HMGCS1: variants seen among roughly 807,000 people sequenced by gnomAD.
HMGCS1 encodes the protein hydroxymethylglutaryl-CoA synthase, cytoplasmic.
HMGCS1 carries 9 observed loss-of-function variants against 52.3 expected under a neutral mutation model. That is an observed-to-expected ratio of 0.17 (90% CI 0.10 to 0.30). HMGCS1 has a LOEUF of 0.30. Among genes scored for constraint, HMGCS1 ranks in the 10% least tolerant of loss-of-function variants. HMGCS1 has a pLI of 1.00. For synonymous variants in HMGCS1, 176 were observed against 214.4 expected (o/e 0.82, Z 1.57); for missense variants, 320 against 620.9 (o/e 0.52, Z 5.15).
chr5:43,306,499 G>A (rs866704325), intron 2 of HMGCS1, among the ~76,000 whole-genome samples: 1 of 152,150 alleles, frequency 6.6e-6, no homozygotes, highest in African/African-American at 2.4e-5. Flanking sequence ...GCTGCAGGTT[G>A]AGCATTCCTA....
chr5:43,307,494 G>A (rs1754637709), intron 2 of HMGCS1, among the ~76,000 whole-genome samples: 1 of 152,144 alleles, frequency 6.6e-6, no homozygotes, highest in South Asian at 2.1e-4. Flanking sequence ...AGTAGTCCAT[G>A]TAATTACATT....
Position 43,298,170 on chromosome 5 carries a change from T to C in HMGCS1, c.449-36A>G, listed in dbSNP as rs749896502. 6.3e-7 allele frequency: 1 copy of C among 1,576,126 alleles called. No individual in the cohort carries two copies. The highest frequency in any genetic ancestry group is 1.4e-5 in the African/African-American group (1 of 73,746). On this transcript the variant is annotated intron_variant, in intron 3 of 10. Transcript: ENST00000325110. The surrounding 1 kb of genome is among the most constrained non-coding windows in gnomAD (Gnocchi z 5.6). ...TTTTTTGTTATTTCACAAGAAGGAA[T>C]TCAACACTATAACCAAACATGGAAA...
chr5:43,308,238 A>ACT (rs764188704), intron 1 of HMGCS1, among the ~76,000 whole-genome samples: 2 of 152,208 alleles, frequency 1.3e-5, no homozygotes, highest in Non-Finnish European at 2.9e-5. Flanking sequence ...AAGAGCCTGC[A>ACT]CTGCATGTAA....
intron 8 of HMGCS1, among the ~76,000 whole-genome samples, chr5:43,293,217 T>A (rs1399140342): frequency 6.6e-6 from 1 of 152,222 alleles, no homozygotes; most frequent in African/African-American, 2.4e-5. Flanking sequence ...TTTGAAACTA[T>A]AAATAACTTG....
rs1189345868 is a variant in HMGCS1 at position 43,290,211 on chromosome 5, C to T, written c.*920G>A. On this transcript the variant is annotated 3_prime_UTR_variant, in exon 11 of 11. Transcript: ENST00000325110. ...AGAAATAGCCTAATAATGCCCTGCC[C>T]CTATTCTTCCCTTCCATTTTAAATT... 1 of 152,498 alleles carries T rather than the reference C, an allele frequency of 6.6e-6. No homozygotes were observed. The highest frequency in any genetic ancestry group is 2.4e-5 in the African/African-American group (1 of 41,400). 9.4% of individuals were successfully genotyped at this position (152,498 alleles called of 1,614,324 possible).
rs530159081 is a variant in HMGCS1 at position 43,297,178 on chromosome 5, A to C, written c.575-12T>G. 11 of 1,604,802 alleles carry C rather than the reference A, an allele frequency of 6.9e-6. No homozygotes were observed. In the African/African-American group the frequency reaches 1.5e-4, roughly 22 times the overall value. On this transcript the variant is annotated splice_polypyrimidine_tract_variant and intron_variant, in intron 4 of 10. Transcript: ENST00000325110. Reference sequence around the variant, plus strand: ...TGTCCCACGAAGCCCTATTAGAACCAAAAAGGAAGATGTCTATATATTTCT... The same window carrying C: ...TGTCCCACGAAGCCCTATTAGAACCCAAAAGGAAGATGTCTATATATTTCT...
intron 9 of HMGCS1, 80 bp from the exon 10 acceptor site, chr5:43,292,717 A>T: frequency 2.7e-6 from 4 of 1,505,518 alleles, no homozygotes; most frequent in Non-Finnish European, 3.7e-6. Flanking sequence ...TAAGTTTCAT[A>T]TATCCCAATA....
chr5:43,294,580 G>C (rs778380193), intron 7 of HMGCS1, 111 bp downstream of exon 7: 26 of 704,042 alleles, frequency 3.7e-5, no homozygotes, highest in Non-Finnish European at 5.3e-5. Context: ...AGAGCCTCAA[G>C]ATAAAATTTT....
Position 43,298,504 on chromosome 5 carries a change from G to A in HMGCS1, c.448+14C>T, listed in dbSNP as rs1481624912. 6.3e-7 allele frequency: 1 copy of A among 1,598,146 alleles called. No individual in the cohort carries two copies. The highest frequency in any genetic ancestry group is 8.6e-7 in the Non-Finnish European group (1 of 1,168,934). The stretch of plus-strand genomic sequence containing the variant: ...AAATTTTGGGGGACGGCGGGGAATA[G>A]GCATGTAACATACCATCCCAAGAGC... On this transcript the variant is annotated intron_variant, in intron 3 of 10. Transcript: ENST00000325110. This position sits in a 1 kb window ranked among gnomAD's most constrained non-coding sequence, Gnocchi z 5.6.
rs1167384621 is a variant in HMGCS1, at chr5:43,292,831, A to T, written c.1309+17T>A. 1.2e-6 allele frequency: 2 copies of T among 1,610,888 alleles called. No homozygotes were observed. The highest frequency in any genetic ancestry group is 2.2e-5 in the South Asian group (2 of 90,582). ...CCCTCCAAATGGGTTAACTTAAAGA[A>T]CATTTAATATTTTTACCCAAATGAT... is the stretch of plus-strand genomic sequence containing the variant. On this transcript the variant is annotated intron_variant, in intron 9 of 10. Transcript: ENST00000325110.
chr5:43,300,638 T>A (rs1413956423), intron 2 of HMGCS1, among the ~76,000 whole-genome samples: 4 of 151,420 alleles, frequency 2.6e-5, no homozygotes, highest in Non-Finnish European at 5.9e-5. Context: ...AAAAAAATTT[T>A]TTTAAAATGA....
intron 1 of HMGCS1, among the ~76,000 whole-genome samples, chr5:43,308,612 C>T (rs556597173): frequency 2.0e-4 from 30 of 152,190 alleles, no homozygotes; most frequent in Non-Finnish European, 3.7e-4. Flanking sequence ...AAATAATTTG[C>T]GAAGGTGACT....
chr5:43,298,275 AATTCATCTGCC>A lies in HMGCS1; in HGVS notation c.449-152_449-142del. On this transcript the variant is annotated intron_variant, in intron 3 of 10. Coordinates refer to ENST00000325110, the MANE Select transcript of HMGCS1 (RefSeq NM_001098272.3). This position sits in a 1 kb window ranked among gnomAD's most constrained non-coding sequence, Gnocchi z 5.6. ...AGAAAATGCTCTAATTTTTTTTTAA[AATTCATCTGCC>A]AAGGCTCTGTCATCCATCTGACTAA... 1.3e-6 allele frequency: 1 copy of A among 797,266 alleles called. No individual in the cohort carries two copies. Among genetic ancestry groups the A allele is most frequent in the Non-Finnish European group, 1.9e-6 (1 of 521,858 alleles). 49.4% of individuals were successfully genotyped at this position (797,266 alleles called of 1,614,324 possible).
chr5:43,312,479 G>T (rs567484452), intron 1 of HMGCS1, among the ~76,000 whole-genome samples: 4 of 152,252 alleles, frequency 2.6e-5, no homozygotes, highest in Admixed American at 1.3e-4. Context: ...CAGAATAATC[G>T]TTTCTCTACC....
At chr5:43,300,253 A>G (rs1369664665) in intron 2 of HMGCS1, among the ~76,000 whole-genome samples, 1 of 152,190 alleles carries the variant, frequency 6.6e-6, no homozygotes, top group Non-Finnish European at 1.5e-5. Flanking sequence ...AGTTTTAGAG[A>G]AAGAATCCTA....
intron 4 of HMGCS1, among the ~76,000 whole-genome samples, 156 bp from the exon 5 acceptor site, chr5:43,297,322 A>T (rs1406472375): frequency 6.6e-6 from 1 of 152,206 alleles, no homozygotes; most frequent in Non-Finnish European, 1.5e-5. Context: ...AATATAAGTG[A>T]AATGATACAT....
At chr5:43,312,271 T>C (rs1754907532) in intron 1 of HMGCS1, among the ~76,000 whole-genome samples, 1 of 152,202 alleles carries the variant, frequency 6.6e-6, no homozygotes, top group Non-Finnish European at 1.5e-5. Flanking sequence ...ACAGAGCAAA[T>C]GTTAGTTAGC....
chr5:43,288,913 A>G lies in HMGCS1; in HGVS notation c.*2218T>C, dbSNP rs1753611581. ...CTGCCAATGCAGGGATTCCTTCTAT[A>G]AAACCCCTGGGGATCACTAGCAACA... is the stretch of plus-strand genomic sequence containing the variant. On this transcript the variant is annotated 3_prime_UTR_variant, in exon 11 of 11. Transcript: ENST00000325110. 6.6e-6 allele frequency: 1 copy of G among 152,148 alleles called. No homozygotes were observed. The highest frequency in any genetic ancestry group is 1.5e-5 in the Non-Finnish European group (1 of 68,016). 9.4% of individuals were successfully genotyped at this position (152,148 alleles called of 1,614,324 possible).
At chr5:43,311,497 AAACT>A (rs1754869099) in intron 1 of HMGCS1, among the ~76,000 whole-genome samples, 1 of 152,190 alleles carries the variant, frequency 6.6e-6, no homozygotes, top group Non-Finnish European at 1.5e-5. Flanking sequence ...TTTCTAAATG[AAACT>A]AATTGGAGAT....
Sources: gnomAD v4.1 joint callset for allele counts (sites outside exome capture counted in the v4.1 genomes callset) on GRCh38, gnomAD v4.1.1 for gene constraint, Gnocchi (gnomAD v3.1) non-coding constraint, MANE v1.5 for transcripts, NCBI Gene and HGNC (gene_info 2026-07-23, HGNC 2026-07-21) for gene names.